Variants in ERC2 observed in about 807,000 individuals in gnomAD.
The protein encoded by ERC2 is ELKS/RAB6-interacting/CAST family member 2, also known as ERC protein 2.
ERC2 carries 42 observed loss-of-function variants against 114.8 expected under a neutral mutation model. The ratio of observed to expected loss-of-function variants is 0.37; its 90% confidence interval spans 0.29 to 0.47. The LOEUF is 0.47. Ranked by LOEUF, ERC2 falls within the 20% of genes least tolerant of loss-of-function variation. ERC2 has a pLI of 0.99. For synonymous variants in ERC2, 454 were observed against 425.5 expected (o/e 1.07, Z -0.82); for missense variants, 939 against 1,150.7 (o/e 0.82, Z 2.66).
intron 17 of ERC2, among the ~76,000 whole-genome samples, chr3:55,554,561 G>A (rs931566487): frequency 6.6e-6 from 1 of 152,226 alleles, no homozygotes; most frequent in African/African-American, 2.4e-5. Context: ...ACCCTCTCCT[G>A]GGGTGTGGAT....
chr3:56,106,330 C>A (rs2078662530), intron 6 of ERC2, among the ~76,000 whole-genome samples: 1 of 152,220 alleles, frequency 6.6e-6, no homozygotes, highest in Admixed American at 6.5e-5. Flanking sequence ...GATAGAAGTT[C>A]ACCTGTAAGC....
At chr3:56,055,815 G>A (rs2075988561) in intron 7 of ERC2, among the ~76,000 whole-genome samples, 1 of 152,166 alleles carries the variant, frequency 6.6e-6, no homozygotes, top group African/African-American at 2.4e-5. Flanking sequence ...ATCTGCACTT[G>A]CATGCCCTCA....
intron 1 of ERC2, among the ~76,000 whole-genome samples, chr3:56,456,410 T>C (rs2063063923): frequency 6.6e-6 from 1 of 152,228 alleles, no homozygotes; most frequent in Non-Finnish European, 1.5e-5. Flanking sequence ...TCTGAATATG[T>C]ACTTTTTAAA....
intron 14 of ERC2, among the ~76,000 whole-genome samples, chr3:55,837,858 T>C (rs1039962659): frequency 6.6e-6 from 1 of 151,076 alleles, no homozygotes; most frequent in African/African-American, 2.4e-5. Context: ...ACAGATTAAA[T>C]GTAATAAAAA....
intron 15 of ERC2, among the ~76,000 whole-genome samples, chr3:55,722,500 C>T (rs568660174): frequency 6.6e-6 from 1 of 152,324 alleles, no homozygotes; most frequent in South Asian, 2.1e-4. Flanking sequence ...CCAAATCCCT[C>T]ATAGAGCATC....
chr3:56,070,001 T>C lies in ERC2; in HGVS notation c.1641+10816A>G, dbSNP rs548465399. ...ATTACCCACAGTAACTGTGAAGCAA[T>C]ATGCCCCACAAGAACACATTACCCT... is the stretch of plus-strand genomic sequence containing the variant. On this transcript the variant is annotated intron_variant, in intron 7 of 17. Coordinates refer to ENST00000288221, the MANE Select transcript of ERC2 (RefSeq NM_015576.3). Among the ~76,000 whole-genome samples the C allele has an allele frequency of 4.6e-5, 7 of 152,312 alleles. 1 individual carries two copies. In the East Asian group the frequency reaches 1.2e-3, roughly 25 times the overall value.
At chr3:55,831,183 A>AC (rs113864527) in intron 14 of ERC2, among the ~76,000 whole-genome samples, 2,413 of 149,780 alleles carry the variant, frequency 0.016, 79 homozygotes, top group African/African-American at 0.057. Context: ...AGGGTGGCAC[A>AC]ATGCTGGAGT....
In ERC2 at chr3:56,229,261, CATA is replaced by C; in HGVS notation, c.1075-55744_1075-55742del. On this transcript the variant is annotated intron_variant, in intron 3 of 17. Transcript: ENST00000288221. ...TTATTTATCAACAGTTCCCCCATGG[CATA>C]TAAACTCCATGAGGGCAAGTTCTGT... Among the ~76,000 whole-genome samples, 8 of 152,296 alleles carry C rather than the reference CATA, an allele frequency of 5.3e-5. 1 individual carries two copies. Among genetic ancestry groups the C allele is most frequent in the Admixed American group, 5.2e-4 (8 of 15,304 alleles).
chr3:56,403,172 G>C (rs2060584027), intron 2 of ERC2, among the ~76,000 whole-genome samples: 1 of 152,118 alleles, frequency 6.6e-6, no homozygotes, highest in African/African-American at 2.4e-5. Context: ...ATTCCTTATA[G>C]ATGGTCATTG....
intron 2 of ERC2, among the ~76,000 whole-genome samples, chr3:56,324,381 T>A (rs529382205): frequency 2.6e-5 from 4 of 152,298 alleles, no homozygotes; most frequent in South Asian, 4.1e-4. Context: ...TATGTCCTGA[T>A]AAACCCATCG....
chr3:55,708,621 A>T (rs1050528464), intron 15 of ERC2, among the ~76,000 whole-genome samples: 58 of 152,306 alleles, frequency 3.8e-4, no homozygotes, highest in African/African-American at 1.4e-3. Flanking sequence ...CTCTGAAAAA[A>T]ACTCCAGACT....
chr3:55,530,469 G>A lies in ERC2; in HGVS notation c.*40-19193C>T, dbSNP rs200969658. ...TGGCTTGAAACGTCTGACCTGACAT[G>A]TTCTCTCCATCTTGATCAGTCCCTG... On this transcript the variant is annotated intron_variant, in intron 17 of 17. Coordinates refer to ENST00000288221, the MANE Select transcript of ERC2 (RefSeq NM_015576.3). 2.1e-5 allele frequency among the ~76,000 whole-genome samples: 3 copies of A among 139,972 alleles called. 1 individual carries two copies. The highest frequency in any genetic ancestry group is 7.7e-5 in the African/African-American group (3 of 39,112). The allele number at this position is 139,972 out of a possible 152,430, so 91.8% of individuals were successfully genotyped here. A position where few individuals can be genotyped will look rare whatever the true frequency, so the allele number is the denominator to read the frequency against.
intron 7 of ERC2, among the ~76,000 whole-genome samples, chr3:56,034,204 T>C (rs1039073141): frequency 2.3e-4 from 35 of 152,144 alleles, no homozygotes; most frequent in Admixed American, 1.2e-3. Flanking sequence ...AAAGACACTT[T>C]AAGTCAAAAA....
intron 17 of ERC2, among the ~76,000 whole-genome samples, chr3:55,666,935 CATA>C (rs2061378659): frequency 1.3e-5 from 2 of 149,726 alleles, no homozygotes; most frequent in South Asian, 4.2e-4. Context: ...TATTAATATA[CATA>C]ATATTAGTTA....
intron 2 of ERC2, among the ~76,000 whole-genome samples, chr3:56,341,310 C>T (rs1317375215): frequency 1.3e-5 from 2 of 152,136 alleles, no homozygotes; most frequent in African/African-American, 2.4e-5. Flanking sequence ...ATTCTGGGAA[C>T]AGACACAATG....
rs922881672 is a variant in ERC2 at position 55,751,445 on chromosome 3, A to G, written c.2565-16527T>C. Reference sequence around the variant, plus strand: ...TTTCTAAAGGTGGCAAGAAGGGCCTAGTGTAAAATATGACATACTCTGCCT... The same window carrying G: ...TTTCTAAAGGTGGCAAGAAGGGCCTGGTGTAAAATATGACATACTCTGCCT... On this transcript the variant is annotated intron_variant, in intron 14 of 17. Coordinates refer to ENST00000288221, the MANE Select transcript of ERC2 (RefSeq NM_015576.3). Among the ~76,000 whole-genome samples, 6 of 152,316 alleles carry G rather than the reference A, an allele frequency of 3.9e-5. No individual in the cohort carries two copies. In the South Asian group the frequency reaches 6.2e-4, roughly 16 times the overall value.
At chr3:56,088,422 T>A (rs1457099793) in intron 6 of ERC2, among the ~76,000 whole-genome samples, 1 of 152,076 alleles carries the variant, frequency 6.6e-6, no homozygotes, top group Non-Finnish European at 1.5e-5. Context: ...TTTCTATATA[T>A]AGGACCTTCA....
chr3:55,732,292 A>G (rs1018835910), intron 15 of ERC2, among the ~76,000 whole-genome samples: 1 of 152,150 alleles, frequency 6.6e-6, no homozygotes, highest in African/African-American at 2.4e-5. Context: ...ATCATTGGCA[A>G]TAAGGATACT....
chr3:56,160,170 G>C (rs1240392034), intron 4 of ERC2, among the ~76,000 whole-genome samples: 1 of 152,166 alleles, frequency 6.6e-6, no homozygotes, highest in African/African-American at 2.4e-5. Context: ...GTTGTGCTTT[G>C]ACTTTTTAAT....
Sources: allele counts gnomAD v4.1 joint callset (sites outside exome capture counted in the v4.1 genomes callset), GRCh38; gene constraint gnomAD v4.1.1; transcripts MANE v1.5; gene names NCBI Gene and HGNC (gene_info 2026-07-23, HGNC 2026-07-21).